The following ATP8A2 variants were observed in gnomAD, a reference collection of about 807,000 sequenced individuals.
The protein encoded by ATP8A2 is ATPase phospholipid transporting 8A2.
Under a neutral mutation model 165.6 loss-of-function variants are expected in ATP8A2, and 100 were observed. The ratio of observed to expected loss-of-function variants is 0.60; its 90% confidence interval spans 0.51 to 0.71. ATP8A2 has a LOEUF of 0.71. Ranked by LOEUF, ATP8A2 falls within the 30% of genes least tolerant of loss-of-function variation. ATP8A2 has a pLI of 0.00. For missense variants in ATP8A2, 1,227 were observed against 1,479.5 expected, an observed-to-expected ratio of 0.83 and a Z score of 2.80; for synonymous variants, 543 against 548.8, an observed-to-expected ratio of 0.99 and a Z score of 0.15.
intron 36 of ATP8A2, among the ~76,000 whole-genome samples, chr13:26,014,034 T>C (rs1440961110): frequency 2.6e-5 from 4 of 152,070 alleles, no homozygotes; most frequent in South Asian, 2.1e-4. Flanking sequence ...TGCCATGAGG[T>C]CTGGATTGCA....
intron 2 of ATP8A2, among the ~76,000 whole-genome samples, chr13:25,471,613 A>G (rs61947629): frequency 0.51 from 77,515 of 152,120 alleles, 20,576 homozygotes; most frequent in Non-Finnish European, 0.58. Flanking sequence ...AAAGTGCTGG[A>G]ATTACAGGTG....
intron 13 of ATP8A2, among the ~76,000 whole-genome samples, chr13:25,555,825 T>A (rs2038964512): frequency 6.6e-6 from 1 of 152,118 alleles, no homozygotes; most frequent in Non-Finnish European, 1.5e-5. Context: ...ATTTATGTCC[T>A]TGAGTATGCA....
At chr13:25,530,985 C>T (rs2038013155) in intron 4 of ATP8A2, among the ~76,000 whole-genome samples, 1 of 151,906 alleles carries the variant, frequency 6.6e-6, no homozygotes, top group Admixed American at 6.6e-5. Flanking sequence ...TCTAGGATGG[C>T]AGCATTGTCT....
chr13:25,808,671 C>T (rs1050837722), intron 27 of ATP8A2, among the ~76,000 whole-genome samples: 1 of 151,794 alleles, frequency 6.6e-6, no homozygotes, highest in African/African-American at 2.4e-5. Flanking sequence ...AACTCCTGGG[C>T]TCAACCTCCC....
chr13:25,468,427 C>A (rs186142556), intron 1 of ATP8A2, among the ~76,000 whole-genome samples: 5 of 152,324 alleles, frequency 3.3e-5, no homozygotes, highest in Admixed American at 3.3e-4. Context: ...CCATTTTTAG[C>A]GTCCAGAGGT....
intron 33 of ATP8A2, among the ~76,000 whole-genome samples, chr13:25,926,837 A>G (rs1156690083): frequency 4.6e-5 from 7 of 152,214 alleles, no homozygotes; most frequent in Admixed American, 3.9e-4. Context: ...CCATCTCTAC[A>G]GAAATTCTAC....
chr13:25,376,685 C>T (rs532845470), intron 1 of ATP8A2, among the ~76,000 whole-genome samples: 1 of 152,252 alleles, frequency 6.6e-6, no homozygotes, highest in Admixed American at 6.5e-5. Context: ...CCCATGCTGC[C>T]CATCGTCATC....
At chr13:25,583,897 T>TTAATTGA (rs1383191793) in intron 23 of ATP8A2, among the ~76,000 whole-genome samples, 2 of 152,188 alleles carry the variant, frequency 1.3e-5, no homozygotes, top group Non-Finnish European at 1.5e-5. Context: ...TTGCTATCTC[T>TTAATTGA]TAATTGATCT....
At chr13:25,394,814 TCTTCGTCAC>T (rs1422566230) in intron 1 of ATP8A2, among the ~76,000 whole-genome samples, 1 of 152,146 alleles carries the variant, frequency 6.6e-6, no homozygotes, top group Non-Finnish European at 1.5e-5. Context: ...GCACAATAAC[TCTTCGTCAC>T]CTGAGATGAC....
intron 36 of ATP8A2, among the ~76,000 whole-genome samples, chr13:26,014,435 GA>G (rs1280507089): frequency 6.6e-6 from 1 of 152,176 alleles, no homozygotes; most frequent in Non-Finnish European, 1.5e-5. Context: ...CAATGTGTAA[GA>G]AAACAGGAAT....
chr13:25,922,768 G>A (rs1442340018), intron 33 of ATP8A2, among the ~76,000 whole-genome samples: 1 of 152,146 alleles, frequency 6.6e-6, no homozygotes, highest in Non-Finnish European at 1.5e-5. Context: ...AAAGAAGGGG[G>A]GATCGGTAGG....
At chr13:25,436,125 A>G (rs2034768330) in intron 1 of ATP8A2, among the ~76,000 whole-genome samples, 2 of 151,972 alleles carry the variant, frequency 1.3e-5, no homozygotes, top group African/African-American at 2.4e-5. Context: ...AATAATTTCA[A>G]CTTTTATTTT....
Position 25,753,010 on chromosome 13 carries a change from G to C in ATP8A2, c.2385-16036G>C, listed in dbSNP as rs1004164258. On this transcript the variant is annotated intron_variant, in intron 25 of 36. Coordinates refer to ENST00000381655, the MANE Select transcript of ATP8A2 (RefSeq NM_016529.6). Reference sequence around the variant, plus strand: ...CTCCCCTCTTGCACTGTGGAGTACTGGGGGGCACCACCAGCGCTGGCTGCT... The same window carrying C: ...CTCCCCTCTTGCACTGTGGAGTACTCGGGGGCACCACCAGCGCTGGCTGCT... Among the ~76,000 whole-genome samples the C allele has an allele frequency of 2.0e-5, 3 of 152,134 alleles. No individual in the cohort carries two copies. The East Asian group carries it at 5.8e-4, about 29-fold the overall frequency.
intron 1 of ATP8A2, among the ~76,000 whole-genome samples, chr13:25,446,216 A>G (rs1224212160): frequency 3.3e-5 from 5 of 152,036 alleles, no homozygotes; most frequent in Admixed American, 6.6e-5. Flanking sequence ...CCCACCCCCA[A>G]TTCAGAGAAA....
chr13:25,538,927 A>G (rs913560896), intron 7 of ATP8A2, among the ~76,000 whole-genome samples: 6 of 152,166 alleles, frequency 3.9e-5, no homozygotes, highest in Admixed American at 3.3e-4. Flanking sequence ...AAAAAGAACC[A>G]ATAACACAGG....
At chr13:25,643,303 G>T (rs2041584375) in intron 24 of ATP8A2, among the ~76,000 whole-genome samples, 1 of 152,132 alleles carries the variant, frequency 6.6e-6, no homozygotes, top group African/African-American at 2.4e-5. Flanking sequence ...CTTCACTGCT[G>T]TGTATTGTTA....
chr13:25,616,326 C>CTTTTTTTTT (rs535891442), intron 24 of ATP8A2, among the ~76,000 whole-genome samples: 88 of 106,726 alleles, frequency 8.2e-4, no homozygotes, highest in Middle Eastern at 5.6e-3. Context: ...TTCTTTCTTT[C>CTTTTTTTTT]TTTTTTTTTT....
At chr13:25,480,083 C>T (rs1160315763) in intron 2 of ATP8A2, among the ~76,000 whole-genome samples, 1 of 151,600 alleles carries the variant, frequency 6.6e-6, no homozygotes, top group Non-Finnish European at 1.5e-5. Flanking sequence ...CAGAGGCGCC[C>T]CTCACCTCCC....
At chr13:25,642,763 C>T (rs557325428) in intron 24 of ATP8A2, among the ~76,000 whole-genome samples, 6 of 152,274 alleles carry the variant, frequency 3.9e-5, no homozygotes, top group South Asian at 2.1e-4. Context: ...CACATGCACA[C>T]GTATGTTTAT....
Sources: gnomAD v4.1 joint callset for allele counts (sites outside exome capture counted in the v4.1 genomes callset) on GRCh38, gnomAD v4.1.1 for gene constraint, MANE v1.5 for transcripts, NCBI Gene and HGNC (gene_info 2026-07-23, HGNC 2026-07-21) for gene names.